MTHFD1L: variants seen among roughly 807,000 people sequenced by gnomAD.
The protein encoded by MTHFD1L is methylenetetrahydrofolate dehydrogenase (NADP+ dependent) 1 like.
Under a neutral mutation model 119.5 loss-of-function variants are expected in MTHFD1L, and 81 were observed. The ratio of observed to expected loss-of-function variants is 0.68; its 90% confidence interval spans 0.57 to 0.82. MTHFD1L has a LOEUF of 0.82. Ranked by LOEUF, MTHFD1L falls within the 40% of genes least tolerant of loss-of-function variation. MTHFD1L has a pLI of 0.00. For missense variants in MTHFD1L, 1,125 were observed against 1,253.4 expected (o/e 0.90, Z 1.55); for synonymous variants, 430 against 475.2 (o/e 0.90, Z 1.24).
At position 151,092,636 on chromosome 6, in the gene MTHFD1L, A is replaced by G. The variant is rs556653679; in HGVS notation, c.*31+49A>G. The G allele has an allele frequency of 1.1e-5, 13 of 1,182,750 alleles. No individual in the cohort carries two copies. In the African/African-American group the frequency reaches 1.9e-4, roughly 17 times the overall value. The allele number at this position is 1,182,750 out of a possible 1,614,324, so 73.3% of individuals were successfully genotyped here. A position where few individuals can be genotyped will look rare whatever the true frequency, so the allele number is the denominator to read the frequency against. On this transcript the variant is annotated intron_variant, in intron 27 of 27. Coordinates refer to ENST00000367321, the MANE Select transcript of MTHFD1L (RefSeq NM_015440.5). ...TTCTCTCTTTGTTTTTTTCCAGTTC[A>G]TATCCTTTTTTTGTCATTTTTTTTT...
chr6:150,905,309 G>T (rs985322308), intron 7 of MTHFD1L, among the ~76,000 whole-genome samples: 1 of 152,034 alleles, frequency 6.6e-6, no homozygotes, highest in Non-Finnish European at 1.5e-5. Flanking sequence ...TGGGATTACA[G>T]GTGTGAGCCA....
At chr6:151,017,039 T>A (rs1364312923) in intron 24 of MTHFD1L, among the ~76,000 whole-genome samples, 2 of 151,030 alleles carry the variant, frequency 1.3e-5, no homozygotes, top group Admixed American at 6.6e-5. Flanking sequence ...CCTCCCAGAG[T>A]GCTAGGGTTG....
At chr6:151,007,042 A>G (rs1781506948) in intron 20 of MTHFD1L, among the ~76,000 whole-genome samples, 1 of 152,132 alleles carries the variant, frequency 6.6e-6, no homozygotes, top group Non-Finnish European at 1.5e-5. Context: ...TTCTCCAGTC[A>G]TGATGGATGA....
intron 4 of MTHFD1L, among the ~76,000 whole-genome samples, chr6:150,879,633 T>G (rs1343894137): frequency 8.1e-5 from 12 of 147,938 alleles, no homozygotes; most frequent in Non-Finnish European, 1.2e-4. Context: ...TGTTTTTTTT[T>G]TTTTTTTTTT....
chr6:150,878,575 T>C (rs1038026912), intron 4 of MTHFD1L, among the ~76,000 whole-genome samples: 1 of 152,130 alleles, frequency 6.6e-6, no homozygotes, highest in Non-Finnish European at 1.5e-5. Context: ...TTCTGGGACA[T>C]GAATAAAGTT....
At chr6:151,060,015 T>G (rs1247849200) in intron 26 of MTHFD1L, among the ~76,000 whole-genome samples, 1 of 152,108 alleles carries the variant, frequency 6.6e-6, no homozygotes, top group East Asian at 1.9e-4. Context: ...CAAGAGGACA[T>G]CTCTAAGATG....
At chr6:151,004,819 G>GT (rs1184177404) in intron 20 of MTHFD1L, among the ~76,000 whole-genome samples, 2 of 152,284 alleles carry the variant, frequency 1.3e-5, no homozygotes, top group African/African-American at 4.8e-5. Flanking sequence ...CATTCATATT[G>GT]TAAGTTGAAT....
intron 26 of MTHFD1L, among the ~76,000 whole-genome samples, chr6:151,081,515 A>AT (rs1220921120): frequency 1.3e-5 from 2 of 149,188 alleles, no homozygotes; most frequent in African/African-American, 5.0e-5. Context: ...AAAAAAAAAA[A>AT]AAAAAAAATA....
At chr6:151,025,713 A>G (rs1032498053) in intron 24 of MTHFD1L, among the ~76,000 whole-genome samples, 1 of 152,192 alleles carries the variant, frequency 6.6e-6, no homozygotes, top group African/African-American at 2.4e-5. Context: ...AAAGAAAAGA[A>G]CCATGTATTT....
intron 1 of MTHFD1L, among the ~76,000 whole-genome samples, chr6:150,874,580 T>G (rs968907156): frequency 6.6e-6 from 1 of 152,194 alleles, no homozygotes; most frequent in Non-Finnish European, 1.5e-5. Flanking sequence ...GAAAACAAAA[T>G]GTAAAGGTGG....
chr6:150,909,322 T>C (rs1683082434), intron 8 of MTHFD1L, among the ~76,000 whole-genome samples: 1 of 151,714 alleles, frequency 6.6e-6, no homozygotes, highest in Admixed American at 6.6e-5. Flanking sequence ...AGTCTTGCTC[T>C]GTTGCCCAGG....
intron 26 of MTHFD1L, chr6:151,057,089 T>C: frequency 1.6e-6 from 1 of 610,588 alleles, no homozygotes; most frequent in Non-Finnish European, 2.1e-6. Context: ...TGTTGTTTGC[T>C]CTAATTATAA....
intron 27 of MTHFD1L, among the ~76,000 whole-genome samples, chr6:151,094,710 G>GT (rs1384449704): frequency 2.0e-5 from 3 of 151,842 alleles, no homozygotes; most frequent in Non-Finnish European, 2.9e-5. Context: ...TGCCCAGCTA[G>GT]TTTTTTTATT....
At chr6:150,890,738 C>T (rs1783111727) in intron 7 of MTHFD1L, among the ~76,000 whole-genome samples, 2 of 152,022 alleles carry the variant, frequency 1.3e-5, no homozygotes, top group Non-Finnish European at 2.9e-5. Flanking sequence ...GCAAAAAGCT[C>T]TAGAACAGTA....
chr6:150,991,682 A>G (rs475505), intron 20 of MTHFD1L, among the ~76,000 whole-genome samples: 81,476 of 152,156 alleles, frequency 0.54, 23,045 homozygotes, highest in African/African-American at 0.7. Context: ...GACAAGTGTC[A>G]GCAGATTGTG....
intron 6 of MTHFD1L, among the ~76,000 whole-genome samples, chr6:150,886,121 A>T (rs1782215959): frequency 6.6e-6 from 1 of 152,240 alleles, no homozygotes; most frequent in Non-Finnish European, 1.5e-5. Flanking sequence ...ATGTAGCCTT[A>T]GATAAGACTT....
intron 27 of MTHFD1L, among the ~76,000 whole-genome samples, chr6:151,101,062 G>A (rs1205515723): frequency 6.6e-6 from 1 of 152,136 alleles, no homozygotes; most frequent in Non-Finnish European, 1.5e-5. Flanking sequence ...CGGAGGCTGT[G>A]GCGGGAGGAT....
chr6:150,955,411 C>T (rs1795478557), intron 16 of MTHFD1L, among the ~76,000 whole-genome samples: 1 of 151,546 alleles, frequency 6.6e-6, no homozygotes, highest in Admixed American at 6.6e-5. Context: ...TTGAATAGTG[C>T]TGCTATGAAC....
intron 24 of MTHFD1L, among the ~76,000 whole-genome samples, chr6:151,017,778 C>T (rs1185115660): frequency 2.7e-5 from 4 of 149,298 alleles, no homozygotes; most frequent in African/African-American, 5.0e-5. Flanking sequence ...TATGAGCATG[C>T]GTGTTTATGG....
Sources: gnomAD v4.1 joint callset for allele counts (sites outside exome capture counted in the v4.1 genomes callset) on GRCh38, gnomAD v4.1.1 for gene constraint, MANE v1.5 for transcripts, NCBI Gene and HGNC (gene_info 2026-07-23, HGNC 2026-07-21) for gene names.